STRADA: variants seen among roughly 807,000 people sequenced by gnomAD.
The protein encoded by STRADA is STE20-related kinase adapter protein alpha.
In STRADA, 26 loss-of-function variants were observed where a neutral mutation model predicts 55.0. The observed-to-expected ratio is 0.47, with a 90% CI of 0.35 to 0.66. The LOEUF is 0.66. Among genes scored for constraint, STRADA ranks in the 30% least tolerant of loss-of-function variants. The pLI is 0.01. For missense variants in STRADA, 443 were observed against 549.7 expected (o/e 0.81, Z 1.94); for synonymous variants, 197 against 210.9 (o/e 0.93, Z 0.57).
At chr17:63,707,127 C>G in intron 9 of STRADA, 120 bp downstream of exon 9, 1 of 1,306,586 alleles carries the variant, frequency 7.7e-7, no homozygotes, top group Non-Finnish European at 1.1e-6. Context: ...GGGCTCCCTC[C>G]CTCCAGGAAC....
At chr17:63,735,419 G>T (rs2038351562) in intron 1 of STRADA, among the ~76,000 whole-genome samples, 1 of 152,116 alleles carries the variant, frequency 6.6e-6, no homozygotes, top group South Asian at 2.1e-4. Context: ...TCTAAAATGA[G>T]GTTAATGACA....
At chr17:63,725,368 C>T (rs1028432198) in intron 3 of STRADA, among the ~76,000 whole-genome samples, 1 of 151,832 alleles carries the variant, frequency 6.6e-6, no homozygotes, top group African/African-American at 2.4e-5. Flanking sequence ...GACGGAGTCT[C>T]AAAAACTCAG....
At chr17:63,709,682 A>G (rs2036355835) in intron 8 of STRADA, among the ~76,000 whole-genome samples, 2 of 152,180 alleles carry the variant, frequency 1.3e-5, no homozygotes, top group African/African-American at 4.8e-5. Flanking sequence ...CTTCTATTTA[A>G]GTCTACAGTT....
At chr17:63,732,209 T>TGCC (rs2038116239) in intron 1 of STRADA, among the ~76,000 whole-genome samples, 1 of 151,944 alleles carries the variant, frequency 6.6e-6, no homozygotes, top group South Asian at 2.1e-4. Flanking sequence ...TTTGCCATGT[T>TGCC]GCCCAGGCTA....
At chr17:63,704,251 C>T in intron 11 of STRADA, 90 bp downstream of exon 11, 7 of 1,569,718 alleles carry the variant, frequency 4.5e-6, no homozygotes, top group Non-Finnish European at 6.0e-6. Context: ...CCTGCAGAAC[C>T]TTTGGGAGGT....
chr17:63,728,426 T>C lies in STRADA; in HGVS notation c.-44-13A>G, dbSNP rs773126618. 7 of 1,494,252 alleles carry C rather than the reference T, an allele frequency of 4.7e-6. No homozygotes were observed. Among genetic ancestry groups the C allele is most frequent in the African/African-American group, 4.3e-5 (3 of 69,974 alleles). The allele number at this position is 1,494,252 out of a possible 1,614,324, so 92.6% of individuals were successfully genotyped here. ...CAAAAACTTAAACCTAAAAGGAAAA[T>C]AGAAACAGGTTGAGTTAGCAAAAAT... On this transcript the variant is annotated splice_polypyrimidine_tract_variant and intron_variant, in intron 1 of 12. Transcript: ENST00000336174.
intron 12 of STRADA, 36 bp from the exon 13 acceptor site, chr17:63,703,787 T>C (rs776089771): frequency 1.9e-6 from 3 of 1,611,062 alleles, no homozygotes; most frequent in East Asian, 4.5e-5. Flanking sequence ...ACAGATCCTG[T>C]TGCTCTGGGT....
chr17:63,713,068 T>C (rs1757660659), intron 6 of STRADA, among the ~76,000 whole-genome samples: 1 of 151,506 alleles, frequency 6.6e-6, no homozygotes, highest in Admixed American at 6.6e-5. Context: ...AGCCAGAAGA[T>C]GGCCACTGGT....
intron 1 of STRADA, among the ~76,000 whole-genome samples, chr17:63,740,147 T>TATATATACAC (rs1401201419): frequency 3.0e-5 from 2 of 67,010 alleles, no homozygotes; most frequent in African/African-American, 1.4e-4. Context: ...TATATATATA[T>TATATATACAC]ACACACACAC....
At chr17:63,732,184 T>C (rs2038114360) in intron 1 of STRADA, among the ~76,000 whole-genome samples, 2 of 152,022 alleles carry the variant, frequency 1.3e-5, no homozygotes, top group Non-Finnish European at 2.9e-5. Context: ...TTTGTATTTT[T>C]AGTAGAGACG....
chr17:63,707,542 AT>A, intron 8 of STRADA, 124 bp from the exon 9 acceptor site: 2 of 820,430 alleles, frequency 2.4e-6, no homozygotes, highest in African/African-American at 1.7e-5. Context: ...GTATATGTGT[AT>A]TTTACATATA....
intron 1 of STRADA, among the ~76,000 whole-genome samples, chr17:63,731,405 G>C (rs886723728): frequency 1.3e-5 from 2 of 151,724 alleles, no homozygotes; most frequent in East Asian, 3.9e-4. Context: ...TGGGATTACA[G>C]GCATGCGCTA....
At chr17:63,726,751 G>C in intron 2 of STRADA, 56 bp from the exon 3 acceptor site, 1 of 1,568,624 alleles carries the variant, frequency 6.4e-7, no homozygotes, top group Non-Finnish European at 8.8e-7. Flanking sequence ...CAACAAATTA[G>C]CTATCAGCCT....
intron 1 of STRADA, among the ~76,000 whole-genome samples, chr17:63,729,460 A>G (rs904360521): frequency 2.0e-5 from 3 of 152,148 alleles, no homozygotes; most frequent in Non-Finnish European, 2.9e-5. Flanking sequence ...ATGACTATGC[A>G]AATATGGTTC....
chr17:63,713,015 A>AC (rs11372672), intron 6 of STRADA, among the ~76,000 whole-genome samples: 2 of 150,714 alleles, frequency 1.3e-5, no homozygotes, highest in South Asian at 2.1e-4. Flanking sequence ...AAAAAAAAAA[A>AC]GAAAAGAAAA....
At chr17:63,733,722 G>A (rs951929784) in intron 1 of STRADA, among the ~76,000 whole-genome samples, 4 of 152,228 alleles carry the variant, frequency 2.6e-5, no homozygotes, top group South Asian at 4.1e-4. Context: ...TGTACAAACA[G>A]TATGGTTTAT....
Position 63,707,435 on chromosome 17 carries a change from G to A in STRADA, c.582-17C>T, listed in dbSNP as rs774350888. ...TTGACACTCCTGGGGAAGCGGGGAG[G>A]GTGTCATGTCGAGAGCAGGAGCCCC... On this transcript the variant is annotated splice_polypyrimidine_tract_variant and intron_variant, in intron 8 of 12. Transcript: ENST00000336174. 1.2e-6 allele frequency: 2 copies of A among 1,609,890 alleles called. No individual in the cohort carries two copies. The highest frequency in any genetic ancestry group is 1.7e-6 in the Non-Finnish European group (2 of 1,176,656).
At chr17:63,711,841 G>A (rs1041054510) in intron 6 of STRADA, among the ~76,000 whole-genome samples, 4 of 152,068 alleles carry the variant, frequency 2.6e-5, no homozygotes, top group Non-Finnish European at 5.9e-5. Flanking sequence ...AAGCTTAAGT[G>A]GTAGAATCAC....
intron 11 of STRADA, 138 bp from the exon 12 acceptor site, chr17:63,704,185 G>A: frequency 6.6e-7 from 1 of 1,520,850 alleles, no homozygotes; most frequent in Non-Finnish European, 8.8e-7. Flanking sequence ...GAGCTCCCCA[G>A]GCTGGCCTCT....
Sources: allele counts gnomAD v4.1 joint callset (sites outside exome capture counted in the v4.1 genomes callset), GRCh38; gene constraint gnomAD v4.1.1; transcripts MANE v1.5; gene names NCBI Gene and HGNC (gene_info 2026-07-23, HGNC 2026-07-21).